The following HLF variants were observed in gnomAD, a reference collection of about 807,000 sequenced individuals.
HLF encodes the protein HLF transcription factor, PAR bZIP family member.
In HLF, 3 loss-of-function variants were observed where a neutral mutation model predicts 22.6. That is an observed-to-expected ratio of 0.13 (90% confidence interval 0.06 to 0.34). The LOEUF (loss-of-function observed/expected upper bound fraction) is 0.34, where lower values mean the gene tolerates loss of function less well. HLF is among the 10% of genes least tolerant of loss of function. The probability of loss-of-function intolerance (pLI) is 1.00; values close to 1 mark genes in which losing one functional copy is unlikely to be tolerated. For synonymous variants in HLF, 151 were observed against 151.8 expected (o/e 0.99, Z 0.04); for missense variants, 299 against 389.2 (o/e 0.77, Z 1.95).
At chr17:55,266,936 G>GTA (rs1198731400) in intron 1 of HLF, 4 of 268,936 alleles carry the variant, frequency 1.5e-5, no homozygotes, top group Non-Finnish European at 2.3e-5. Context: ...GAAAGGTTTT[G>GTA]TAAATGCATA....
chr17:55,287,719 A>G (rs992404736), intron 2 of HLF, among the ~76,000 whole-genome samples: 1 of 152,220 alleles, frequency 6.6e-6, no homozygotes, highest in South Asian at 2.1e-4. Context: ...TGCATAAAAC[A>G]GGTGAAGGTT....
rs1371380675 is a variant in HLF, at chr17:55,320,097, A to AT, written c.673-561dup. 6.6e-6 allele frequency among the ~76,000 whole-genome samples: 1 copy of AT among 151,772 alleles called. No individual in the cohort carries two copies. Among genetic ancestry groups the AT allele is most frequent in the Admixed American group, 6.6e-5 (1 of 15,236 alleles). ...AATCTCCTATGCATAGTTTTTCCTC[A>AT]TTTTTTCTACTGCACATAATGCTGC... is the stretch of plus-strand genomic sequence containing the variant. On this transcript the variant is annotated intron_variant, in intron 3 of 3. Transcript: ENST00000226067. This position sits in a 1 kb window ranked among gnomAD's most constrained non-coding sequence, Gnocchi z 4.2.
chr17:55,273,649 C>T lies in HLF; in HGVS notation c.451+5563C>T, dbSNP rs542258881. The T allele has an allele frequency of 5.2e-5, 8 of 152,402 alleles. 1 individual carries two copies. The highest frequency in any genetic ancestry group is 2.1e-4 in the South Asian group (1 of 4,826). 9.4% of individuals were successfully genotyped at this position (152,402 alleles called of 1,614,324 possible). On this transcript the variant is annotated intron_variant, in intron 2 of 3. Transcript: ENST00000226067. The stretch of plus-strand genomic sequence containing the variant: ...TCTGGGTGCCCAGTCCCCCAGCTCT[C>T]GTGTGAGCCCTGGCAACCCTGGCTG...
At position 55,320,892 on chromosome 17, in the gene HLF, G is replaced by C; in HGVS notation, c.*13G>C. On this transcript the variant is annotated 3_prime_UTR_variant, in exon 4 of 4. Transcript: ENST00000226067. This position sits in a 1 kb window ranked among gnomAD's most constrained non-coding sequence, Gnocchi z 4.2. ...CGGGCCCCTGTAGGATGGCATTTTT[G>C]CAGGCTGGCTTTGGAATAGATGGAC... 6.2e-7 allele frequency: 1 copy of C among 1,600,952 alleles called. No homozygotes were observed. Among genetic ancestry groups the C allele is most frequent in the East Asian group, 2.2e-5 (1 of 44,680 alleles).
At chr17:55,282,214 C>T (rs1043575408) in intron 2 of HLF, among the ~76,000 whole-genome samples, 9 of 152,204 alleles carry the variant, frequency 5.9e-5, no homozygotes, top group Non-Finnish European at 8.8e-5. Context: ...TTAAAGGCCA[C>T]GTTCTAAAAT....
chr17:55,286,974 G>C (rs2081009714), intron 2 of HLF, among the ~76,000 whole-genome samples: 1 of 152,178 alleles, frequency 6.6e-6, no homozygotes, highest in Admixed American at 6.5e-5. Context: ...GCAGAAGGGA[G>C]GTGACAGAAA....
intron 2 of HLF, among the ~76,000 whole-genome samples, chr17:55,280,165 C>T (rs907758067): frequency 3.3e-5 from 5 of 152,232 alleles, no homozygotes; most frequent in Admixed American, 1.3e-4. Context: ...TCTTCCACCT[C>T]CATGGCTATT....
chr17:55,273,509 C>T (rs909954622), intron 2 of HLF: 2 of 152,256 alleles, frequency 1.3e-5, no homozygotes, highest in Non-Finnish European at 2.9e-5. Flanking sequence ...CCAACACTTA[C>T]AGCCTGACCT....
chr17:55,311,936 G>A (rs1408603035), intron 2 of HLF, among the ~76,000 whole-genome samples: 1 of 152,162 alleles, frequency 6.6e-6, no homozygotes, highest in Non-Finnish European at 1.5e-5. Context: ...TTGGTTTTCT[G>A]TGTTAATTCA....
intron 2 of HLF, among the ~76,000 whole-genome samples, chr17:55,300,097 C>T (rs2081143746): frequency 6.6e-6 from 1 of 152,174 alleles, no homozygotes; most frequent in South Asian, 2.1e-4. Flanking sequence ...CCTCAGCCTC[C>T]CAAAGTGCTG....
chr17:55,304,857 G>A (rs1292623676), intron 2 of HLF, among the ~76,000 whole-genome samples: 3 of 152,210 alleles, frequency 2.0e-5, no homozygotes, highest in Non-Finnish European at 2.9e-5. Context: ...ATGAGGCAGA[G>A]TAACTGGCCC....
At chr17:55,308,789 C>CA (rs1491504321) in intron 2 of HLF, among the ~76,000 whole-genome samples, 1 of 152,210 alleles carries the variant, frequency 6.6e-6, no homozygotes, top group Non-Finnish European at 1.5e-5. Context: ...CACAGAAACT[C>CA]ACCGTACACA....
Position 55,324,530 on chromosome 17 carries a change from G to A in HLF, c.*3651G>A, listed in dbSNP as rs923547467. On this transcript the variant is annotated 3_prime_UTR_variant, in exon 4 of 4. Transcript: ENST00000226067. ...GAGCGATCCCAAGGCATGGGACCAG[G>A]CCTGCTTGCCTATGTGTGATGGCAA... 2 of 232,124 alleles carry A rather than the reference G, an allele frequency of 8.6e-6. No individual in the cohort carries two copies. The highest frequency in any genetic ancestry group is 3.6e-4 in the South Asian group (2 of 5,514). 14.4% of individuals were successfully genotyped at this position (232,124 alleles called of 1,614,324 possible).
chr17:55,319,493 T>C (rs1905188753), intron 3 of HLF, among the ~76,000 whole-genome samples: 1 of 151,870 alleles, frequency 6.6e-6, no homozygotes, highest in Non-Finnish European at 1.5e-5. Flanking sequence ...TGGGAAGATC[T>C]AAAAGAAGAT....
intron 2 of HLF, among the ~76,000 whole-genome samples, chr17:55,297,171 T>C (rs2081118147): frequency 6.6e-6 from 1 of 152,230 alleles, no homozygotes; most frequent in Non-Finnish European, 1.5e-5. Context: ...TAAACATTAA[T>C]CCATCTTTAT....
intron 2 of HLF, among the ~76,000 whole-genome samples, chr17:55,279,471 C>T (rs1471020824): frequency 1.3e-5 from 2 of 152,252 alleles, no homozygotes; most frequent in African/African-American, 4.8e-5. Flanking sequence ...CAGTGGCTCA[C>T]ACCTGTAATC....
chr17:55,302,829 A>G (rs905616518), intron 2 of HLF, among the ~76,000 whole-genome samples: 9 of 152,280 alleles, frequency 5.9e-5, no homozygotes, highest in South Asian at 2.1e-4. Context: ...TGGAAAGTCT[A>G]TTTCTGAAAA....
chr17:55,277,625 T>TGG lies in HLF; in HGVS notation c.451+9546_451+9547dup, dbSNP rs35330503. ...GGGACATTGTGGGAGGGGATCGGAT[T>TGG]GGGGGGGGTTGGACTGCTGAATGTC... On this transcript the variant is annotated intron_variant, in intron 2 of 3. Coordinates refer to ENST00000226067, the MANE Select transcript of HLF (RefSeq NM_002126.5). Among the ~76,000 whole-genome samples, 291 of 150,738 alleles carry TGG rather than the reference T, an allele frequency of 1.9e-3. 1 individual carries two copies. The highest frequency in any genetic ancestry group is 6.3e-3 in the African/African-American group (257 of 40,928).
intron 2 of HLF, among the ~76,000 whole-genome samples, chr17:55,311,616 G>A (rs1904835147): frequency 6.6e-6 from 1 of 152,190 alleles, no homozygotes; most frequent in African/African-American, 2.4e-5. Context: ...TGGTGCAAGT[G>A]TAAATAGCTA....
Sources: allele counts gnomAD v4.1 joint callset (sites outside exome capture counted in the v4.1 genomes callset), GRCh38; gene constraint gnomAD v4.1.1; non-coding constraint Gnocchi (gnomAD v3.1); transcripts MANE v1.5; gene names NCBI Gene and HGNC (gene_info 2026-07-23, HGNC 2026-07-21).